NCOR1: variants seen among roughly 807,000 people sequenced by gnomAD.
The protein encoded by NCOR1 is protein phosphatase 1, regulatory subunit 109.
Under a neutral mutation model 288.1 loss-of-function variants are expected in NCOR1, and 63 were observed. That is an observed-to-expected ratio of 0.22 (90% CI 0.18 to 0.27). The LOEUF is 0.27. NCOR1 is among the 10% of genes least tolerant of loss of function. The pLI, the probability that NCOR1 is intolerant of heterozygous loss-of-function variation, is 1.00. For missense variants in NCOR1, 2,397 were observed against 3,019.2 expected, an observed-to-expected ratio of 0.79 and a Z score of 4.83; for synonymous variants, 1,007 against 1,065.9, an observed-to-expected ratio of 0.94 and a Z score of 1.08.
chr17:16,088,653 A>G (rs1478476748), intron 22 of NCOR1, among the ~76,000 whole-genome samples: 1 of 152,180 alleles, frequency 6.6e-6, no homozygotes, highest in East Asian at 1.9e-4. Flanking sequence ...CTGATATTCA[A>G]GTGCTAGGCA....
chr17:16,118,596 C>T (rs1021063148), intron 17 of NCOR1, among the ~76,000 whole-genome samples: 1 of 152,106 alleles, frequency 6.6e-6, no homozygotes, highest in African/African-American at 2.4e-5. Context: ...TATGCACACA[C>T]ATAAACACAC....
At chr17:16,134,563 GGATC>G in intron 14 of NCOR1, among the ~76,000 whole-genome samples, 1 of 152,286 alleles carries the variant, frequency 6.6e-6, no homozygotes, top group Non-Finnish European at 1.5e-5. Flanking sequence ...CAACATGGCT[GGATC>G]TTAACAAGGA....
At chr17:16,048,313 A>AG (rs1187862345) in intron 41 of NCOR1, among the ~76,000 whole-genome samples, 1 of 152,244 alleles carries the variant, frequency 6.6e-6, no homozygotes, top group East Asian at 1.9e-4. Context: ...TGGTCATGCC[A>AG]GGAACTCAGA....
chr17:16,159,849 T>TC lies in NCOR1; in HGVS notation c.619-977_619-976insG, dbSNP rs2153422590. 2.0e-5 allele frequency among the ~76,000 whole-genome samples: 3 copies of TC among 152,022 alleles called. No individual in the cohort carries two copies. The South Asian group carries it at 6.3e-4, about 32-fold the overall frequency. The stretch of plus-strand genomic sequence containing the variant: ...TGGGTCCTTAGGTCAATCTTTTTTT[T>TC]TTTTTTTGAGATGGAGTCTTGCTCT... On this transcript the variant is annotated intron_variant, in intron 5 of 45. Transcript: ENST00000268712.
intron 1 of NCOR1, among the ~76,000 whole-genome samples, chr17:16,206,632 T>C (rs539620985): frequency 6.6e-5 from 10 of 152,318 alleles, no homozygotes; most frequent in African/African-American, 2.4e-4. Flanking sequence ...GTGATCTACC[T>C]GCCTCGGCCT....
intron 16 of NCOR1, among the ~76,000 whole-genome samples, chr17:16,120,732 G>T (rs1023967782): frequency 2.6e-5 from 4 of 151,884 alleles, no homozygotes; most frequent in African/African-American, 9.7e-5. Context: ...TAATCATTCA[G>T]CAATAAGAGA....
intron 14 of NCOR1, among the ~76,000 whole-genome samples, chr17:16,127,039 T>C (rs2074176268): frequency 6.6e-6 from 1 of 152,020 alleles, no homozygotes; most frequent in Admixed American, 6.6e-5. Context: ...AACTCTATTT[T>C]ATTATTTGTT....
chr17:16,127,441 A>G lies in NCOR1; in HGVS notation c.1510-1235T>C, dbSNP rs1479623988. On this transcript the variant is annotated intron_variant, in intron 14 of 45. Transcript: ENST00000268712. ...TATACATGTGTATATGTGTATGTAT[A>G]TATGTGTATATGTATATATACGTGT... 2.1e-5 allele frequency among the ~76,000 whole-genome samples: 3 copies of G among 144,866 alleles called. 1 individual carries two copies. The highest frequency in any genetic ancestry group is 7.6e-5 in the African/African-American group (3 of 39,600).
Position 16,138,100 on chromosome 17 carries a change from T to A in NCOR1, c.1407+58A>T, listed in dbSNP as rs1053012381. 3 of 1,439,444 alleles carry A rather than the reference T, an allele frequency of 2.1e-6. No homozygotes were observed. In the African/African-American group the frequency reaches 4.3e-5, roughly 20 times the overall value. The allele number at this position is 1,439,444 out of a possible 1,614,324, so 89.2% of individuals were successfully genotyped here. ...ACTTATATGTGTCAGAGCACAAGAA[T>A]TTCAAAGTAACAACCATCACAAACC... On this transcript the variant is annotated intron_variant, in intron 13 of 45. Coordinates refer to ENST00000268712, the MANE Select transcript of NCOR1 (RefSeq NM_006311.4).
At chr17:16,101,915 CCT>C in intron 19 of NCOR1, 158 bp from the exon 20 acceptor site, 3 of 912,462 alleles carry the variant, frequency 3.3e-6, no homozygotes. Context: ...CCTTTGATGA[CCT>C]CATTGAAGTA....
intron 14 of NCOR1, among the ~76,000 whole-genome samples, chr17:16,128,393 T>C (rs2075082628): frequency 6.6e-6 from 1 of 152,188 alleles, no homozygotes; most frequent in Admixed American, 6.5e-5. Flanking sequence ...AGACCACACC[T>C]GCTTGTAGCA....
chr17:16,127,236 C>CATATATGTATGTATATATGTGTGTGT (rs1481672990), intron 14 of NCOR1, among the ~76,000 whole-genome samples: 2 of 116,726 alleles, frequency 1.7e-5, no homozygotes, highest in Non-Finnish European at 3.5e-5. Flanking sequence ...TACATGTATG[C>CATATATGTATGTATATATGTGTGTGT]ATATATGTAT....
chr17:16,209,590 G>A (rs968910987), intron 1 of NCOR1, among the ~76,000 whole-genome samples: 2 of 149,344 alleles, frequency 1.3e-5, no homozygotes, highest in Admixed American at 6.7e-5. Context: ...AAATTTTATA[G>A]CATGAATACA....
At chr17:16,095,488 T>G (rs1598520575) in intron 21 of NCOR1, among the ~76,000 whole-genome samples, 8 of 102,896 alleles carry the variant, frequency 7.8e-5, no homozygotes, top group African/African-American at 2.0e-4. Context: ...GGGAGGGAGG[T>G]AGGGGGGTCA....
At chr17:16,081,269 G>T (rs2063364612) in intron 23 of NCOR1, among the ~76,000 whole-genome samples, 1 of 145,094 alleles carries the variant, frequency 6.9e-6, no homozygotes, top group African/African-American at 2.5e-5. Flanking sequence ...GTGCAGTGGA[G>T]CAATCTCGGC....
At chr17:16,188,251 TA>T (rs753788560) in intron 2 of NCOR1, among the ~76,000 whole-genome samples, 2 of 151,986 alleles carry the variant, frequency 1.3e-5, no homozygotes, top group Non-Finnish European at 2.9e-5. Flanking sequence ...AAGTTATGAG[TA>T]AAAAATAACT....
At chr17:16,081,907 TG>T (rs2063469950) in intron 23 of NCOR1, among the ~76,000 whole-genome samples, 1 of 152,152 alleles carries the variant, frequency 6.6e-6, no homozygotes, top group Non-Finnish European at 1.5e-5. Context: ...AGGAAAGACA[TG>T]GGAAGGCCCC....
intron 21 of NCOR1, among the ~76,000 whole-genome samples, chr17:16,094,025 A>G (rs924538191): frequency 2.6e-5 from 4 of 151,846 alleles, no homozygotes; most frequent in Non-Finnish European, 5.9e-5. Flanking sequence ...CTTCCACCTC[A>G]GCCTCCCAAC....
intron 42 of NCOR1, among the ~76,000 whole-genome samples, chr17:16,046,469 G>C (rs567779361): frequency 1.3e-5 from 2 of 152,196 alleles, no homozygotes; most frequent in East Asian, 1.9e-4. Context: ...TGAAAGGCTA[G>C]GTTAAATGTT....
Sources: gnomAD v4.1 joint callset for allele counts (sites outside exome capture counted in the v4.1 genomes callset) on GRCh38, gnomAD v4.1.1 for gene constraint, MANE v1.5 for transcripts, NCBI Gene and HGNC (gene_info 2026-07-23, HGNC 2026-07-21) for gene names.